CCDC141: variants seen among roughly 807,000 people sequenced by gnomAD.
CCDC141 encodes coiled-coil domain-containing protein 141.
CCDC141 carries 168 observed loss-of-function variants against 181.0 expected under a neutral mutation model. The observed-to-expected ratio is 0.93, with a 90% CI of 0.82 to 1.05. The LOEUF (loss-of-function observed/expected upper bound fraction) is 1.05, where lower values mean the gene tolerates loss of function less well. CCDC141 is among the 50% of genes least tolerant of loss of function. The probability of loss-of-function intolerance (pLI) is 0.00; values close to 1 mark genes in which losing one functional copy is unlikely to be tolerated. For synonymous variants in CCDC141, 666 were observed against 642.3 expected (o/e 1.04, Z -0.56); for missense variants, 1,902 against 1,788.5 (o/e 1.06, Z -1.14).
intron 6 of CCDC141, among the ~76,000 whole-genome samples, chr2:178,923,337 C>T (rs1167798765): frequency 2.0e-5 from 3 of 152,016 alleles, no homozygotes; most frequent in Non-Finnish European, 4.4e-5. Flanking sequence ...ATCTCCTGAC[C>T]TCGTGATCCG....
chr2:178,913,838 G>A (rs2154374003), intron 7 of CCDC141, among the ~76,000 whole-genome samples: 1 of 152,236 alleles, frequency 6.6e-6, no homozygotes, highest in East Asian at 1.9e-4. Context: ...TCCTCTGCTT[G>A]CTTTCTTCAA....
rs1481822222 is a variant in CCDC141 at position 178,869,219 on chromosome 2, T to C, written c.2292A>G (p.Gln764=). Residue 764 remains glutamine (Q), a synonymous_variant, in exon 15 of 24, where the codon CAA becomes CAG. Transcript: ENST00000443758. ...RGAPVKEKSQ[Q]LKDLIHFHQK... is the part of the protein sequence containing the mutation. ...GATGGAAGTGAATAAGGTCCTTCAG[T>C]TGTTGAGACTTTTCTTTTACAGGGG... The C allele has an allele frequency of 6.2e-7, 1 of 1,613,722 alleles. No individual in the cohort carries two copies. The highest frequency in any genetic ancestry group is 1.7e-5 in the Admixed American group (1 of 59,998).
chr2:178,868,256 T>G (rs778550211), intron 15 of CCDC141, 51 bp from the exon 16 acceptor site: 1 of 1,509,248 alleles, frequency 6.6e-7, no homozygotes, highest in Non-Finnish European at 9.1e-7. Context: ...GAAGACAAAT[T>G]TTTTTTTAAG....
chr2:178,976,615 G>A (rs1048541084), intron 3 of CCDC141, among the ~76,000 whole-genome samples: 1 of 152,142 alleles, frequency 6.6e-6, no homozygotes, highest in East Asian at 1.9e-4. Context: ...CCAACTGACA[G>A]TTATGTCTGT....
At position 178,995,964 on chromosome 2, in the gene CCDC141, G is replaced by A. The variant is rs558052230; in HGVS notation, c.226-17289C>T. ...CTGGCCTCAATCTCCACTTATGATG[G>A]TGTTAGTTCAAGAATATATAAGATG... On this transcript the variant is annotated intron_variant, in intron 2 of 23. Coordinates refer to ENST00000443758, the MANE Select transcript of CCDC141 (RefSeq NM_173648.4). Among the ~76,000 whole-genome samples the A allele has an allele frequency of 2.0e-5, 3 of 152,144 alleles. No homozygotes were observed. In the East Asian group the frequency reaches 5.8e-4, roughly 29 times the overall value.
At chr2:178,957,988 A>G (rs995391407) in intron 5 of CCDC141, among the ~76,000 whole-genome samples, 8 of 152,242 alleles carry the variant, frequency 5.3e-5, no homozygotes, top group Non-Finnish European at 1.2e-4. Flanking sequence ...CTATCAAGCC[A>G]TGAAAGGACA....
At chr2:178,916,353 A>C (rs191936583) in intron 7 of CCDC141, among the ~76,000 whole-genome samples, 1 of 152,236 alleles carries the variant, frequency 6.6e-6, no homozygotes, top group East Asian at 1.9e-4. Context: ...TAGGGCTATA[A>C]GTGTCAGGCT....
At chr2:178,867,113 A>G (rs1358634500) in intron 16 of CCDC141, among the ~76,000 whole-genome samples, 2 of 152,236 alleles carry the variant, frequency 1.3e-5, no homozygotes, top group Non-Finnish European at 2.9e-5. Flanking sequence ...CGACAGTGGC[A>G]TCAAACAAAT....
At chr2:178,882,305 G>T (rs1165303903) in intron 11 of CCDC141, among the ~76,000 whole-genome samples, 1 of 152,146 alleles carries the variant, frequency 6.6e-6, no homozygotes, top group Non-Finnish European at 1.5e-5. Flanking sequence ...GAAGGTAGAG[G>T]TTGCAGTGAG....
intron 2 of CCDC141, among the ~76,000 whole-genome samples, chr2:178,981,677 T>TAC (rs1691414787): frequency 7.6e-6 from 1 of 131,600 alleles, no homozygotes; most frequent in Non-Finnish European, 1.6e-5. Flanking sequence ...TATACATATA[T>TAC]ATATATAGAG....
downstream of CCDC141, among the ~76,000 whole-genome samples, chr2:178,826,190 CATTAT>C (rs1684122647): frequency 6.6e-6 from 1 of 152,214 alleles, no homozygotes; most frequent in African/African-American, 2.4e-5. Context: ...GACATAATTA[CATTAT>C]TTTTCTTCTT....
intron 21 of CCDC141, among the ~76,000 whole-genome samples, chr2:178,847,942 C>T (rs1166878230): frequency 6.6e-6 from 1 of 152,138 alleles, no homozygotes; most frequent in African/African-American, 2.4e-5. Flanking sequence ...CACTAGACAC[C>T]AAATCTGCCA....
In CCDC141 at chr2:179,048,562, A is replaced by T. The variant is rs1272112764; in HGVS notation, c.103-1156T>A. ...TCATATTTGAGGAAATGGAAAGTTA[A>T]CTTTTTGAAAAATAGTGAGTTTGCC... On this transcript the variant is annotated intron_variant, in intron 1 of 23. Transcript: ENST00000443758. Among the ~76,000 whole-genome samples, 6 of 152,202 alleles carry T rather than the reference A, an allele frequency of 3.9e-5. No homozygotes were observed. In the South Asian group the frequency reaches 8.3e-4, roughly 21 times the overall value.
At position 178,872,289 on chromosome 2, in the gene CCDC141, A is replaced by G. The variant is rs760364495; in HGVS notation, c.1923T>C (p.Asp641=). 1.9e-6 allele frequency: 3 copies of G among 1,612,760 alleles called. No individual in the cohort carries two copies. In the South Asian group the frequency reaches 3.3e-5, roughly 18 times the overall value. The change falls in exon 13 of 24, where the codon GAT becomes GAC. Residue 641 remains aspartate, a synonymous_variant. Coordinates refer to ENST00000443758, the MANE Select transcript of CCDC141 (RefSeq NM_173648.4). ...INMAKENEIL[D]VKNEVYLMKN... is the part of the protein sequence containing the mutation. ...TCATGAGGTACACTTCATTTTTCACATCTAATATCTCGTTCTCTTTTGCCT... is the reference window on the plus strand; with the variant it reads ...TCATGAGGTACACTTCATTTTTCACGTCTAATATCTCGTTCTCTTTTGCCT...
At chr2:178,870,542 T>C (rs1368908508) in intron 14 of CCDC141, among the ~76,000 whole-genome samples, 1 of 152,146 alleles carries the variant, frequency 6.6e-6, no homozygotes, top group African/African-American at 2.4e-5. Flanking sequence ...TTAAAGAGCC[T>C]AATATAGGCC....
At position 179,015,065 on chromosome 2, in the gene CCDC141, GAGATATAT is replaced by G. The variant is rs1222894590; in HGVS notation, c.225+32211_225+32218del. 2.1e-3 allele frequency among the ~76,000 whole-genome samples: 23 copies of G among 10,974 alleles called. 1 individual carries two copies. The highest frequency in any genetic ancestry group is 4.7e-3 in the African/African-American group (18 of 3,814). 7.2% of individuals were successfully genotyped at this position (10,974 alleles called of 152,430 possible). ...GAGTGGATAAACTGTGAGAGAGACA[GAGATATAT>G]ATATATATATATATATATATATATA... On this transcript the variant is annotated intron_variant, in intron 2 of 23. Transcript: ENST00000443758.
chr2:179,047,381 A>T lies in CCDC141; in HGVS notation c.128T>A (p.Leu43Gln). 6.5e-7 allele frequency: 1 copy of T among 1,529,782 alleles called. No individual in the cohort carries two copies. 94.8% of individuals were successfully genotyped at this position (1,529,782 alleles called of 1,614,324 possible). ...TAGAAGATTGGGCTGTGATTCAGCC[A>T]GTTGAAGTTGTACCCATTTGCCACA... ...IKCGKWVQLQ[L>Q]AESQPNLLEI... The change falls in exon 2 of 24, where the codon CTG becomes CAG. Residue 43 changes from leucine to glutamine, a missense_variant. Coordinates refer to ENST00000443758, the MANE Select transcript of CCDC141 (RefSeq NM_173648.4).
chr2:178,887,718 C>T (rs1398286225), intron 9 of CCDC141, among the ~76,000 whole-genome samples: 1 of 152,188 alleles, frequency 6.6e-6, no homozygotes, highest in Non-Finnish European at 1.5e-5. Context: ...AATTTAAATA[C>T]AGACATTGAT....
chr2:178,832,465 C>CAAAAAAAAAAAAAAAAAAAAAAAAAA lies in CCDC141; in HGVS notation c.*1707_*1708insTTTTTTTTTTTTTTTTTTTTTTTTTT, dbSNP rs59389117. The stretch of plus-strand genomic sequence containing the variant: ...TGGGCAAGAGAGCAAGACTCTTTCT[C>CAAAAAAAAAAAAAAAAAAAAAAAAAA]AAAAAAAAAAAAAAAAAACAAAAAA... On this transcript the variant is annotated 3_prime_UTR_variant, in exon 24 of 24. Coordinates refer to ENST00000443758, the MANE Select transcript of CCDC141 (RefSeq NM_173648.4). 1.4e-5 allele frequency: 1 copy of CAAAAAAAAAAAAAAAAAAAAAAAAAA among 68,982 alleles called. No individual in the cohort carries two copies. Among genetic ancestry groups the CAAAAAAAAAAAAAAAAAAAAAAAAAA allele is most frequent in the Non-Finnish European group, 2.9e-5 (1 of 33,962 alleles). The allele number at this position is 68,982 out of a possible 1,614,324, so 4.3% of individuals were successfully genotyped here.
Sources: gnomAD v4.1 joint callset for allele counts (sites outside exome capture counted in the v4.1 genomes callset) on GRCh38, gnomAD v4.1.1 for gene constraint, MANE v1.5 for transcripts, NCBI Gene and HGNC (gene_info 2026-07-23, HGNC 2026-07-21) for gene names.